The following C2orf76 variants were observed in gnomAD, a reference collection of about 807,000 sequenced individuals.
C2orf76 encodes UPF0538 protein C2orf76.
A neutral mutation model predicts 16.9 loss-of-function variants in C2orf76; 23 were observed. The observed-to-expected ratio is 1.36, with a 90% confidence interval of 0.98 to 1.93. The LOEUF is 1.93. Among genes scored for constraint, C2orf76 ranks in the 30% most tolerant of loss-of-function variants. C2orf76 has a pLI of 0.00. For synonymous variants in C2orf76, 48 were observed against 52.3 expected, an observed-to-expected ratio of 0.92 and a Z score of 0.35; for missense variants, 152 against 152.6, an observed-to-expected ratio of 1.00 and a Z score of 0.02.
chr2:119,339,508 A>G, intron 2 of C2orf76, among the ~76,000 whole-genome samples: 1 of 151,190 alleles, frequency 6.6e-6, no homozygotes, highest in Non-Finnish European at 1.5e-5. Flanking sequence ...GCTACACTAC[A>G]CCCGCTTGCT....
At chr2:119,312,578 C>T (rs1456042205) in intron 4 of C2orf76, among the ~76,000 whole-genome samples, 1 of 152,100 alleles carries the variant, frequency 6.6e-6, no homozygotes, top group Non-Finnish European at 1.5e-5. Flanking sequence ...GCCAGAAGTC[C>T]ACATATCTAA....
chr2:119,315,054 G>A (rs1426519013), intron 4 of C2orf76, among the ~76,000 whole-genome samples: 1 of 152,098 alleles, frequency 6.6e-6, no homozygotes, highest in Admixed American at 6.6e-5. Flanking sequence ...TAAAGACCTT[G>A]CACATTTCTT....
At position 119,328,038 on chromosome 2, in the gene C2orf76, T is replaced by C. The variant is rs559265422; in HGVS notation, c.134-6834A>G. ...ATATTCTGCCCCCCTCCTTTTTTTT[T>C]TCTTAAGAGACAGTATCTCGCTATG... On this transcript the variant is annotated intron_variant, in intron 2 of 5. Coordinates refer to ENST00000334816, the MANE Select transcript of C2orf76 (RefSeq NM_001322331.2). 1.1e-4 allele frequency among the ~76,000 whole-genome samples: 16 copies of C among 151,942 alleles called. No individual in the cohort carries two copies. In the South Asian group the frequency reaches 3.3e-3, roughly 32 times the overall value.
chr2:119,336,233 A>C (rs182496455), intron 2 of C2orf76, among the ~76,000 whole-genome samples: 21 of 151,976 alleles, frequency 1.4e-4, no homozygotes, highest in African/African-American at 4.8e-4. Flanking sequence ...ATCTCTACTA[A>C]AAATATAAAA....
At chr2:119,299,251 A>G (rs956900889), downstream of C2orf76, among the ~76,000 whole-genome samples, 1 of 152,312 alleles carries the variant, frequency 6.6e-6, no homozygotes, top group East Asian at 1.9e-4. Context: ...AGATTTGCTG[A>G]AACACTTCTC....
At chr2:119,297,255 G>A (rs1297835513), downstream of C2orf76, among the ~76,000 whole-genome samples, 1 of 152,140 alleles carries the variant, frequency 6.6e-6, no homozygotes, top group African/African-American at 2.4e-5. Context: ...TGGATTAAAT[G>A]AGATAATATA....
intron 2 of C2orf76, among the ~76,000 whole-genome samples, chr2:119,336,222 C>G (rs1201837110): frequency 2.6e-5 from 4 of 151,666 alleles, no homozygotes; most frequent in Non-Finnish European, 5.9e-5. Context: ...GGTGAAACCC[C>G]ATCTCTACTA....
At chr2:119,285,601 C>A in the C2orf76 span, among the ~76,000 whole-genome samples, 1 of 152,222 alleles carries the variant, frequency 6.6e-6, no homozygotes, top group East Asian at 1.9e-4. Context: ...GGATATCCAA[C>A]ACTGTGTCAG....
chr2:119,321,346 G>A (rs866734626), intron 2 of C2orf76, 142 bp from the exon 3 acceptor site: 24 of 521,222 alleles, frequency 4.6e-5, no homozygotes, highest in South Asian at 8.6e-5. Flanking sequence ...ATACATCACC[G>A]AAATCCAAGG....
Position 119,334,615 on chromosome 2 carries a change from G to A in C2orf76, c.133+5212C>T, listed in dbSNP as rs965068038. On this transcript the variant is annotated intron_variant, in intron 2 of 5. Coordinates refer to ENST00000334816, the MANE Select transcript of C2orf76 (RefSeq NM_001322331.2). ...TATGGTGGGAGAATCACCAGGGTCC[G>A]GGAGGTTAAGGCTGCAGTGAGCCGA... 2.0e-5 allele frequency among the ~76,000 whole-genome samples: 3 copies of A among 151,384 alleles called. No homozygotes were observed. The East Asian group carries it at 5.8e-4, about 29-fold the overall frequency.
At chr2:119,365,994 C>A (rs114165091) in intron 1 of C2orf76, among the ~76,000 whole-genome samples, 2 of 152,044 alleles carry the variant, frequency 1.3e-5, no homozygotes, top group African/African-American at 2.4e-5. Flanking sequence ...TCCTTGCCCA[C>A]GCCTTTACAC....
At chr2:119,360,604 G>A (rs1242631139) in intron 1 of C2orf76, among the ~76,000 whole-genome samples, 1 of 151,812 alleles carries the variant, frequency 6.6e-6, no homozygotes, top group African/African-American at 2.4e-5. Flanking sequence ...AAAAAACTGT[G>A]ACTCATTTTG....
intron 2 of C2orf76, among the ~76,000 whole-genome samples, chr2:119,331,649 T>C (rs1472164845): frequency 1.3e-5 from 2 of 152,176 alleles, no homozygotes; most frequent in Admixed American, 1.3e-4. Context: ...TTTGCCTGAA[T>C]TCCCTCTCCC....
the C2orf76 span, among the ~76,000 whole-genome samples, chr2:119,295,515 C>T: frequency 6.6e-6 from 1 of 152,172 alleles, no homozygotes; most frequent in Non-Finnish European, 1.5e-5. Context: ...AAGAAGCCCT[C>T]ACCACCCTCC....
At chr2:119,333,566 T>A (rs1326970168) in intron 2 of C2orf76, among the ~76,000 whole-genome samples, 3 of 152,166 alleles carry the variant, frequency 2.0e-5, no homozygotes, top group Non-Finnish European at 4.4e-5. Context: ...GCCAGCAAAC[T>A]AGTTTGGTAA....
At chr2:119,353,937 T>C (rs538854182) in intron 1 of C2orf76, among the ~76,000 whole-genome samples, 68 of 152,080 alleles carry the variant, frequency 4.5e-4, no homozygotes, top group African/African-American at 1.6e-3. Flanking sequence ...GAAGGTACAG[T>C]TGAAATTAAA....
At chr2:119,336,587 T>C (rs1186009706) in intron 2 of C2orf76, among the ~76,000 whole-genome samples, 10 of 151,902 alleles carry the variant, frequency 6.6e-5, no homozygotes. Flanking sequence ...CAAACAATTA[T>C]GGCAGGTAAC....
the C2orf76 span, among the ~76,000 whole-genome samples, chr2:119,288,645 A>T: frequency 6.6e-6 from 1 of 152,030 alleles, no homozygotes; most frequent in Non-Finnish European, 1.5e-5. Flanking sequence ...AGTGGATGGA[A>T]GGGTGGAATT....
intron 1 of C2orf76, among the ~76,000 whole-genome samples, chr2:119,363,666 A>C (rs996555213): frequency 2.0e-5 from 3 of 152,206 alleles, no homozygotes; most frequent in Admixed American, 6.5e-5. Flanking sequence ...TTTCATTTAT[A>C]CTAAGAAACT....
Sources: gnomAD v4.1 joint callset for allele counts (sites outside exome capture counted in the v4.1 genomes callset) on GRCh38, gnomAD v4.1.1 for gene constraint, MANE v1.5 for transcripts, NCBI Gene and HGNC (gene_info 2026-07-23, HGNC 2026-07-21) for gene names.